The following NEO1 variants were observed in gnomAD, a reference collection of about 807,000 sequenced individuals.
NEO1 encodes neogenin.
Under a neutral mutation model 159.7 loss-of-function variants are expected in NEO1, and 63 were observed. The ratio of observed to expected loss-of-function variants is 0.39; its 90% CI spans 0.32 to 0.49. NEO1 has a LOEUF of 0.49. Among genes scored for constraint, NEO1 ranks in the 20% least tolerant of loss-of-function variants. The probability of loss-of-function intolerance (pLI) is 0.85; values close to 1 mark genes in which losing one functional copy is unlikely to be tolerated. For synonymous variants in NEO1, 633 were observed against 662.0 expected (o/e 0.96, Z 0.67); for missense variants, 1,615 against 1,831.0 (o/e 0.88, Z 2.15).
chr15:73,265,510 G>A lies in NEO1; in HGVS notation c.2399-806G>A, dbSNP rs75589037. On this transcript the variant is annotated intron_variant, in intron 15 of 28. Transcript: ENST00000261908. ...ATGAATGAAAGTGCATAGGGTGAGA[G>A]CGAAGAGTGGGAATAGAAGAGGACC... is the stretch of plus-strand genomic sequence containing the variant. Among the ~76,000 whole-genome samples the A allele has an allele frequency of 4.4e-4, 67 of 152,340 alleles. 1 individual carries two copies. The East Asian group carries it at 0.012, about 27-fold the overall frequency.
At chr15:73,060,803 T>A (rs969864389) in intron 1 of NEO1, among the ~76,000 whole-genome samples, 2 of 150,984 alleles carry the variant, frequency 1.3e-5, no homozygotes, top group African/African-American at 4.8e-5. Flanking sequence ...TGCCTCACCA[T>A]GCCCAGCTAA....
At chr15:73,159,085 A>G (rs1396201346) in intron 5 of NEO1, among the ~76,000 whole-genome samples, 1 of 152,222 alleles carries the variant, frequency 6.6e-6, no homozygotes, top group East Asian at 1.9e-4. Flanking sequence ...CAACTATAGC[A>G]AGATTCTGTC....
chr15:73,053,821 TATG>T (rs757250582), intron 1 of NEO1, among the ~76,000 whole-genome samples: 4 of 152,264 alleles, frequency 2.6e-5, no homozygotes, highest in Non-Finnish European at 4.4e-5. Context: ...TCGTGTGAGA[TATG>T]ATATTTTTAC....
intron 5 of NEO1, among the ~76,000 whole-genome samples, chr15:73,148,159 A>G (rs2033082931): frequency 1.3e-5 from 2 of 152,106 alleles, no homozygotes; most frequent in East Asian, 3.9e-4. Flanking sequence ...TTATTGAACC[A>G]TATTTCTTCT....
In NEO1 at chr15:73,130,854, T is replaced by C. The variant is rs566707295; in HGVS notation, c.878+4284T>C. 3.9e-5 allele frequency among the ~76,000 whole-genome samples: 6 copies of C among 152,288 alleles called. No homozygotes were observed. The East Asian group carries it at 9.6e-4, about 24-fold the overall frequency. ...TAGTAGCAAGGCTCGCTTCATGGTG[T>C]CAACACCATGTGACCATGTGGGGGA... On this transcript the variant is annotated intron_variant, in intron 4 of 28. Transcript: ENST00000261908.
intron 1 of NEO1, among the ~76,000 whole-genome samples, chr15:73,114,390 GAT>G (rs1188037299): frequency 2.0e-5 from 3 of 152,146 alleles, no homozygotes; most frequent in African/African-American, 7.2e-5. Flanking sequence ...GTGAAGAGAG[GAT>G]ATCTTAGGTC....
intron 7 of NEO1, among the ~76,000 whole-genome samples, chr15:73,190,606 T>C (rs949968753): frequency 6.6e-6 from 1 of 152,186 alleles, no homozygotes; most frequent in African/African-American, 2.4e-5. Context: ...GTTGGCTAGA[T>C]AGCAGGAAAT....
At chr15:73,255,357 C>T (rs1384414971) in intron 13 of NEO1, 1 of 152,338 alleles carries the variant, frequency 6.6e-6, no homozygotes, top group Non-Finnish European at 1.5e-5. Flanking sequence ...CCTTCATATG[C>T]AACAGAATAA....
intron 1 of NEO1, among the ~76,000 whole-genome samples, chr15:73,071,471 G>A (rs927455904): frequency 3.3e-5 from 5 of 152,162 alleles, no homozygotes; most frequent in Admixed American, 1.3e-4. Context: ...AGGGAAAAAT[G>A]TAATTTATGT....
At chr15:73,185,912 G>T (rs1366459113) in intron 7 of NEO1, among the ~76,000 whole-genome samples, 1 of 151,952 alleles carries the variant, frequency 6.6e-6, no homozygotes, top group Admixed American at 6.6e-5. Flanking sequence ...TGTTTGAATA[G>T]ATAATGGCCA....
intron 5 of NEO1, among the ~76,000 whole-genome samples, chr15:73,146,167 G>GT (rs1248396715): frequency 6.6e-6 from 1 of 151,942 alleles, no homozygotes; most frequent in Non-Finnish European, 1.5e-5. Context: ...CTTGTTTTAC[G>GT]TATCACATTT....
At chr15:73,200,738 C>T (rs911961920) in intron 7 of NEO1, among the ~76,000 whole-genome samples, 2 of 133,860 alleles carry the variant, frequency 1.5e-5, no homozygotes, top group African/African-American at 5.6e-5. Flanking sequence ...GACTGAAGTG[C>T]AGTGTCATGA....
At chr15:73,168,985 G>T (rs1261460104) in intron 5 of NEO1, among the ~76,000 whole-genome samples, 1 of 152,012 alleles carries the variant, frequency 6.6e-6, no homozygotes, top group African/African-American at 2.4e-5. Context: ...TCTGCTTACA[G>T]AGCTTAATAA....
chr15:73,269,081 G>C (rs1356406612), intron 16 of NEO1, among the ~76,000 whole-genome samples: 1 of 152,114 alleles, frequency 6.6e-6, no homozygotes, highest in Non-Finnish European at 1.5e-5. Flanking sequence ...TTATTTGGGT[G>C]TCAGCTATGT....
chr15:73,225,424 G>C (rs1197368755), intron 7 of NEO1, among the ~76,000 whole-genome samples: 2 of 152,110 alleles, frequency 1.3e-5, no homozygotes, highest in Admixed American at 1.3e-4. Flanking sequence ...ACCATCAGGA[G>C]GGGGCGGGGC....
chr15:73,266,206 T>C (rs2040884270), intron 15 of NEO1, 110 bp from the exon 16 acceptor site: 1 of 768,896 alleles, frequency 1.3e-6, no homozygotes, highest in East Asian at 2.6e-5. Flanking sequence ...TAAAAATTTT[T>C]AAAGTTGTCT....
rs2041287858 is a variant in NEO1, at chr15:73,273,876, G to T, written c.3031G>T (p.Val1011Leu). The change falls in exon 20 of 29, where the codon GTG (valine) becomes TTG (leucine). Residue 1011 changes from valine (V) to leucine (L), a missense_variant. Physicochemically the swap from Val to Leu is conservative, Grantham distance 32. Coordinates refer to ENST00000261908, the MANE Select transcript of NEO1 (RefSeq NM_002499.4). Reference sequence around the variant, plus strand: ...ACATGACTGGGTTATTGAGCCTGTTGTGGGAAACAGACTGACTCACCAGAT... The same window carrying T: ...ACATGACTGGGTTATTGAGCCTGTTTTGGGAAACAGACTGACTCACCAGAT... ...EIHDWVIEPV[V>L]GNRLTHQIQE... The T allele has an allele frequency of 6.2e-7, 1 of 1,614,108 alleles. No individual in the cohort carries two copies.
intron 1 of NEO1, among the ~76,000 whole-genome samples, chr15:73,110,438 G>C (rs1264979686): frequency 2.0e-5 from 3 of 152,192 alleles, no homozygotes; most frequent in Admixed American, 2.0e-4. Context: ...CAAGTATTCA[G>C]ATACCATATG....
At chr15:73,234,711 C>G (rs1227183750) in intron 7 of NEO1, among the ~76,000 whole-genome samples, 1 of 152,098 alleles carries the variant, frequency 6.6e-6, no homozygotes, top group African/African-American at 2.4e-5. Context: ...AATCTGCACT[C>G]TTAAAAGCAC....
Sources: allele counts gnomAD v4.1 joint callset (sites outside exome capture counted in the v4.1 genomes callset), GRCh38; gene constraint gnomAD v4.1.1; transcripts MANE v1.5; gene names NCBI Gene and HGNC (gene_info 2026-07-23, HGNC 2026-07-21).